The following CTDP1 variants were observed in gnomAD, a reference collection of about 807,000 sequenced individuals.
CTDP1 encodes the protein CTD phosphatase 1.
Under a neutral mutation model 91.8 loss-of-function variants are expected in CTDP1, and 47 were observed. That is an observed-to-expected ratio of 0.51 (90% CI 0.41 to 0.65). The LOEUF is 0.65. CTDP1 is among the 30% of genes least tolerant of loss of function. The pLI, the probability that CTDP1 is intolerant of heterozygous loss-of-function variation, is 0.00. For missense variants in CTDP1, 1,272 were observed against 1,373.7 expected (o/e 0.93, Z 1.17); for synonymous variants, 656 against 598.5 (o/e 1.10, Z -1.40).
chr18:79,742,887 G>A (rs900773990), intron 12 of CTDP1, among the ~76,000 whole-genome samples: 1 of 152,174 alleles, frequency 6.6e-6, no homozygotes, highest in Admixed American at 6.5e-5. Flanking sequence ...GAACCCAGAG[G>A]GGAGGTTGCA....
At chr18:79,685,429 G>A (rs1190528954) in intron 1 of CTDP1, 8 of 152,180 alleles carry the variant, frequency 5.3e-5, no homozygotes, top group Non-Finnish European at 1.5e-5. Flanking sequence ...TGACTGGTGA[G>A]AACTAACAGG....
chr18:79,753,109 A>G (rs2087032232), intron 12 of CTDP1, among the ~76,000 whole-genome samples: 1 of 150,840 alleles, frequency 6.6e-6, no homozygotes, highest in Non-Finnish European at 1.5e-5. Context: ...CTCGTAAGGA[A>G]AGCCTAGTGG....
At chr18:79,700,698 A>C (rs1308201918) in intron 4 of CTDP1, among the ~76,000 whole-genome samples, 1 of 152,250 alleles carries the variant, frequency 6.6e-6, no homozygotes, top group Non-Finnish European at 1.5e-5. Context: ...GAGATCACTG[A>C]TGAAACTAAA....
At chr18:79,705,307 C>T (rs1371466943) in intron 5 of CTDP1, among the ~76,000 whole-genome samples, 1 of 152,192 alleles carries the variant, frequency 6.6e-6, no homozygotes, top group African/African-American at 2.4e-5. Flanking sequence ...CCTGCCTACA[C>T]ATGGGTACCC....
chr18:79,727,858 A>G (rs1289340827), intron 10 of CTDP1, among the ~76,000 whole-genome samples: 1 of 152,138 alleles, frequency 6.6e-6, no homozygotes, highest in Non-Finnish European at 1.5e-5. Context: ...GGAGGGCCGC[A>G]CCACCCCTTT....
upstream of CTDP1, chr18:79,679,432 A>T: frequency 2.2e-6 from 1 of 456,236 alleles, no homozygotes; most frequent in Non-Finnish European, 4.4e-6. Flanking sequence ...CTCGCGGTGC[A>T]TGCCGGAACT....
chr18:79,716,880 C>T (rs1204177317), intron 8 of CTDP1, among the ~76,000 whole-genome samples: 1 of 152,280 alleles, frequency 6.6e-6, no homozygotes, highest in Non-Finnish European at 1.5e-5. Context: ...GTGCCCGGCT[C>T]CCCGTCTGAG....
intron 1 of CTDP1, 73 bp downstream of exon 1, chr18:79,680,334 C>CT: frequency 8.4e-7 from 1 of 1,190,660 alleles, no homozygotes; most frequent in African/African-American, 1.6e-5. Context: ...CCCCGGGCTG[C>CT]TGCGTCCGCG....
upstream of CTDP1, among the ~76,000 whole-genome samples, chr18:79,677,086 T>C (rs2085264999): frequency 6.6e-6 from 1 of 152,248 alleles, no homozygotes; most frequent in South Asian, 2.1e-4. Flanking sequence ...ACAGAATTAT[T>C]TTTTCAAACC....
intron 3 of CTDP1, among the ~76,000 whole-genome samples, chr18:79,697,432 G>A (rs2085770000): frequency 6.6e-6 from 1 of 152,252 alleles, no homozygotes; most frequent in Non-Finnish European, 1.5e-5. Flanking sequence ...AGAATAGGCT[G>A]AGCGTGGAAG....
At chr18:79,680,325 C>G in intron 1 of CTDP1, 64 bp downstream of exon 1, 1 of 1,210,870 alleles carries the variant, frequency 8.3e-7, no homozygotes, top group Non-Finnish European at 1.0e-6. Context: ...CTGGAGGACC[C>G]CCGGGCTGCT....
At chr18:79,711,299 C>T (rs776223293) in intron 6 of CTDP1, among the ~76,000 whole-genome samples, 3 of 152,126 alleles carry the variant, frequency 2.0e-5, no homozygotes, top group African/African-American at 2.4e-5. Flanking sequence ...CATTCCTATG[C>T]GAAGACCTGG....
intron 10 of CTDP1, among the ~76,000 whole-genome samples, chr18:79,719,153 G>A (rs983697573): frequency 2.6e-4 from 40 of 152,242 alleles, no homozygotes; most frequent in African/African-American, 9.4e-4. Context: ...CGCTCCCTCT[G>A]GAAACGCGCT....
At chr18:79,706,641 A>G (rs1381434362) in intron 5 of CTDP1, among the ~76,000 whole-genome samples, 3 of 152,166 alleles carry the variant, frequency 2.0e-5, no homozygotes, top group Non-Finnish European at 4.4e-5. Context: ...ATAAGATTTC[A>G]TCACTAAGAA....
At position 79,679,921 on chromosome 18, in the gene CTDP1, C is replaced by G. The variant is rs963767956; in HGVS notation, c.-27C>G. ...TCTGAGCGCAGCGCAGGCCCCGTAC[C>G]GACCGCCCGCCCGCCCTCTGTCCGC... On this transcript the variant is annotated 5_prime_UTR_variant, in exon 1 of 13. Transcript: ENST00000613122. 1.5e-4 allele frequency: 209 copies of G among 1,380,290 alleles called. No individual in the cohort carries two copies. The highest frequency in any genetic ancestry group is 1.9e-4 in the Non-Finnish European group (203 of 1,063,338). The allele number at this position is 1,380,290 out of a possible 1,614,324, so 85.5% of individuals were successfully genotyped here.
intron 11 of CTDP1, chr18:79,735,750 C>T (rs1432582947): frequency 6.4e-6 from 1 of 156,760 alleles, no homozygotes; most frequent in Non-Finnish European, 1.4e-5. Context: ...TGCCTGCCGC[C>T]TCTGTTGCCA....
rs949746367 is a variant in CTDP1, at chr18:79,680,212, G to A, written c.265G>A (p.Gly89Ser). The change falls in exon 1 of 13, where the codon GGC becomes AGC. Residue 89 changes from glycine to serine, a missense_variant. This residue lies in a region of CTDP1 where 214 missense variants were observed against 179.1 expected (regional missense o/e 1.19). Coordinates refer to ENST00000613122, the MANE Select transcript of CTDP1 (RefSeq NM_004715.5). Reference sequence around the variant, plus strand: ...ACGCAGGCTGAGGTCGGAGCGCGCGGGCGTGGTGCGGGAGCTGTGCGCGCA... The same window carrying A: ...ACGCAGGCTGAGGTCGGAGCGCGCGAGCGTGGTGCGGGAGCTGTGCGCGCA... Reference protein sequence around the residue: ...PERRLRSERAGVVRELCAQPG... With the variant: ...PERRLRSERASVVRELCAQPG... The A allele has an allele frequency of 2.9e-6, 4 of 1,373,388 alleles. No homozygotes were observed. Among genetic ancestry groups the A allele is most frequent in the Non-Finnish European group, 3.7e-6 (4 of 1,070,284 alleles). The allele number at this position is 1,373,388 out of a possible 1,614,324, so 85.1% of individuals were successfully genotyped here.
intron 6 of CTDP1, 100 bp from the exon 7 acceptor site, chr18:79,712,872 G>T: frequency 7.6e-7 from 1 of 1,312,876 alleles, no homozygotes; most frequent in Non-Finnish European, 1.1e-6. Flanking sequence ...CTGTCTGCTG[G>T]TTACATGTGG....
chr18:79,682,007 A>C (rs113509302), intron 1 of CTDP1, among the ~76,000 whole-genome samples: 1 of 152,128 alleles, frequency 6.6e-6, no homozygotes, highest in Non-Finnish European at 1.5e-5. Flanking sequence ...TGGGTGCCAT[A>C]GATCCAGGAA....
Sources: gnomAD v4.1 joint callset for allele counts (sites outside exome capture counted in the v4.1 genomes callset) on GRCh38, gnomAD v4.1.1 for gene constraint, gnomAD v4.1.1 regional missense constraint, MANE v1.5 for transcripts, NCBI Gene and HGNC (gene_info 2026-07-23, HGNC 2026-07-21) for gene names.